The following SV2B variants were observed in gnomAD, a reference collection of about 807,000 sequenced individuals.
The protein encoded by SV2B is synaptic vesicle glycoprotein 2B.
SV2B carries 41 observed loss-of-function variants against 73.9 expected under a neutral mutation model. The observed-to-expected ratio is 0.56, with a 90% CI of 0.43 to 0.72. SV2B has a LOEUF of 0.72. Ranked by LOEUF, SV2B falls within the 30% of genes least tolerant of loss-of-function variation. SV2B has a pLI of 0.00. For missense variants in SV2B, 764 were observed against 857.8 expected (o/e 0.89, Z 1.37); for synonymous variants, 314 against 314.2 (o/e 1.00, Z 0.01).
Position 91,266,587 on chromosome 15 carries a change from C to G in SV2B, c.1014C>G (p.Ser338=), listed in dbSNP as rs367942173. Reference sequence around the variant, plus strand: ...ATCCTATTTTTACTTTTCAGGTTTCCAACATCAAAACTCCCAAGCAAATGG... The same window carrying G: ...ATCCTATTTTTACTTTTCAGGTTTCGAACATCAAAACTCCCAAGCAAATGG... ...KGTPEKVFTV[S]NIKTPKQMDE... is the part of the protein sequence containing the mutation. Residue 338 remains serine, a synonymous_variant, in exon 7 of 13, where the codon TCC becomes TCG. Coordinates refer to ENST00000394232, the MANE Select transcript of SV2B (RefSeq NM_001323032.3). The G allele has an allele frequency of 3.5e-5, 57 of 1,613,098 alleles. No individual in the cohort carries two copies. Among genetic ancestry groups the G allele is most frequent in the Non-Finnish European group, 4.4e-5 (52 of 1,179,624 alleles).
chr15:91,177,311 G>A (rs1596527440), intron 1 of SV2B, among the ~76,000 whole-genome samples: 1 of 151,916 alleles, frequency 6.6e-6, no homozygotes. Flanking sequence ...AGTATAGTTT[G>A]AAGTCAGGGA....
intron 6 of SV2B, among the ~76,000 whole-genome samples, chr15:91,262,083 G>A (rs2141659023): frequency 6.6e-6 from 1 of 152,286 alleles, no homozygotes; most frequent in Admixed American, 6.5e-5. Flanking sequence ...TTTCAGGCAG[G>A]ATCACACGGT....
chr15:91,268,121 G>A lies in SV2B; in HGVS notation c.1209-320G>A, dbSNP rs2048168659. On this transcript the variant is annotated intron_variant, in intron 8 of 12. Transcript: ENST00000394232. This position sits in a 1 kb window ranked among gnomAD's most constrained non-coding sequence, Gnocchi z 4.4. ...TCCAGCCAGTGGGGATGTCTTTAGT[G>A]TTTCCCTATTCACTAAGATTCTGGC... 6.6e-6 allele frequency among the ~76,000 whole-genome samples: 1 copy of A among 152,146 alleles called. No homozygotes were observed. Among genetic ancestry groups the A allele is most frequent in the Admixed American group, 6.5e-5 (1 of 15,284 alleles).
chr15:91,202,649 CA>C (rs2045501722), intron 1 of SV2B, among the ~76,000 whole-genome samples: 1 of 152,154 alleles, frequency 6.6e-6, no homozygotes, highest in South Asian at 2.1e-4. Flanking sequence ...GAGATTAGCA[CA>C]CTGGATTAAT....
intron 1 of SV2B, among the ~76,000 whole-genome samples, chr15:91,209,164 C>T (rs2045762769): frequency 6.9e-6 from 1 of 144,124 alleles, no homozygotes; most frequent in Non-Finnish European, 1.5e-5. Context: ...CTCTGTTGCC[C>T]AGGCTGGAGT....
chr15:91,146,722 A>G (rs1404445323), intron 1 of SV2B, among the ~76,000 whole-genome samples: 3 of 152,224 alleles, frequency 2.0e-5, no homozygotes, highest in Admixed American at 6.5e-5. Context: ...AAACTCTACC[A>G]GGGACTACAG....
At chr15:91,282,307 T>C (rs992592892) in intron 10 of SV2B, among the ~76,000 whole-genome samples, 1 of 152,186 alleles carries the variant, frequency 6.6e-6, no homozygotes, top group East Asian at 1.9e-4. Context: ...AAGGGAAAAT[T>C]ACATCTGTTC....
intron 1 of SV2B, among the ~76,000 whole-genome samples, chr15:91,212,389 C>G (rs1444506391): frequency 6.6e-6 from 1 of 152,124 alleles, no homozygotes; most frequent in Non-Finnish European, 1.5e-5. Context: ...TCCTTCCTAC[C>G]TATGTCTGCT....
At chr15:91,273,631 G>A (rs2048389132) in intron 9 of SV2B, among the ~76,000 whole-genome samples, 1 of 152,146 alleles carries the variant, frequency 6.6e-6, no homozygotes, top group African/African-American at 2.4e-5. Flanking sequence ...CAAGTAACTA[G>A]TTCTTTGGCT....
rs145510909 is a variant in SV2B, at chr15:91,264,213, A to G, written c.1009-2369A>G. Among the ~76,000 whole-genome samples, 207 of 152,392 alleles carry G rather than the reference A, an allele frequency of 1.4e-3. No individual in the cohort carries two copies. In the Middle Eastern group the frequency reaches 0.017, roughly 13 times the overall value. On this transcript the variant is annotated intron_variant, in intron 6 of 12. Transcript: ENST00000394232. ...TGGAAGGACTCCTTCTACACCAACC[A>G]AACAGGCCCCACTGGGAGCCCCATT...
At chr15:91,168,330 G>GAGAGAGAGAGAA (rs767873327) in intron 1 of SV2B, among the ~76,000 whole-genome samples, 1 of 151,198 alleles carries the variant, frequency 6.6e-6, no homozygotes, top group Non-Finnish European at 1.5e-5. Flanking sequence ...GAGAGAGAGA[G>GAGAGAGAGAGAA]AAAAGAAATT....
chr15:91,165,344 T>G (rs1397855167), intron 1 of SV2B, among the ~76,000 whole-genome samples: 1 of 152,094 alleles, frequency 6.6e-6, no homozygotes, highest in Non-Finnish European at 1.5e-5. Context: ...AAAAAAATTA[T>G]TTTTTTAAAG....
chr15:91,109,958 C>T (rs1340416356), intron 1 of SV2B, among the ~76,000 whole-genome samples: 1 of 152,128 alleles, frequency 6.6e-6, no homozygotes, highest in Non-Finnish European at 1.5e-5. Context: ...CTGGATTTCC[C>T]AAGCAATCCT....
chr15:91,246,251 T>C (rs1251066826), intron 2 of SV2B, among the ~76,000 whole-genome samples: 1 of 152,206 alleles, frequency 6.6e-6, no homozygotes, highest in Non-Finnish European at 1.5e-5. Context: ...TTCCTCATAT[T>C]CCTTTAGTAT....
chr15:91,292,310 A>C, intron 12 of SV2B, 59 bp from the exon 13 acceptor site: 1 of 1,545,096 alleles, frequency 6.5e-7, no homozygotes, highest in Non-Finnish European at 8.8e-7. Context: ...GAAAGAGCCC[A>C]GTCCTGTTCA....
In SV2B at chr15:91,121,838, G is replaced by C. The variant is rs1011042446; in HGVS notation, c.-392+21475G>C. 2.0e-5 allele frequency among the ~76,000 whole-genome samples: 3 copies of C among 150,854 alleles called. No individual in the cohort carries two copies. The highest frequency in any genetic ancestry group is 6.6e-5 in the Admixed American group (1 of 15,112). On this transcript the variant is annotated intron_variant, in intron 1 of 12. Coordinates refer to ENST00000394232, the MANE Select transcript of SV2B (RefSeq NM_001323032.3). The surrounding 1 kb of genome is among the most constrained non-coding windows in gnomAD (Gnocchi z 4.4). ...CACCCAGGCTGGAGTGCAGTGGCGC[G>C]ATCTCGGCTCACTGCAAGCTCTGCC...
At chr15:91,206,795 G>T (rs1428792680) in intron 1 of SV2B, among the ~76,000 whole-genome samples, 1 of 152,142 alleles carries the variant, frequency 6.6e-6, no homozygotes, top group Non-Finnish European at 1.5e-5. Context: ...ACATAAAAGA[G>T]CATATTTAAA....
chr15:91,198,436 T>G (rs2045332941), intron 1 of SV2B, among the ~76,000 whole-genome samples: 1 of 150,456 alleles, frequency 6.6e-6, no homozygotes, highest in African/African-American at 2.5e-5. Flanking sequence ...CTTTTGGTTT[T>G]CAGCCAAGAA....
Position 91,103,042 on chromosome 15 carries a change from T to C in SV2B, c.-392+2679T>C, listed in dbSNP as rs548332278. On this transcript the variant is annotated intron_variant, in intron 1 of 12. Coordinates refer to ENST00000394232, the MANE Select transcript of SV2B (RefSeq NM_001323032.3). ...GGTCATAGGGGCAACACGGCAGGTA[T>C]TTGAGATATTGCCTCTTAGGATTCC... Among the ~76,000 whole-genome samples, 5 of 152,298 alleles carry C rather than the reference T, an allele frequency of 3.3e-5. No individual in the cohort carries two copies. In the South Asian group the frequency reaches 1.0e-3, roughly 32 times the overall value.
Sources: allele counts gnomAD v4.1 joint callset (sites outside exome capture counted in the v4.1 genomes callset), GRCh38; gene constraint gnomAD v4.1.1; non-coding constraint Gnocchi (gnomAD v3.1); transcripts MANE v1.5; gene names NCBI Gene and HGNC (gene_info 2026-07-23, HGNC 2026-07-21).